The following PRDM10 variants were observed in gnomAD, a reference collection of about 807,000 sequenced individuals.
PRDM10 encodes the protein PR/SET domain 10.
Under a neutral mutation model 133.1 loss-of-function variants are expected in PRDM10, and 65 were observed. The observed-to-expected ratio is 0.49, with a 90% CI of 0.40 to 0.60. The LOEUF (loss-of-function observed/expected upper bound fraction) is 0.60. Ranked by LOEUF, PRDM10 falls within the 20% of genes least tolerant of loss-of-function variation. PRDM10 has a pLI of 0.00. For missense variants in PRDM10, 1,137 were observed against 1,507.1 expected, an observed-to-expected ratio of 0.75 and a Z score of 4.07; for synonymous variants, 582 against 580.4, an observed-to-expected ratio of 1.00 and a Z score of -0.04.
At position 129,935,197 on chromosome 11, in the gene PRDM10, TTCTTC is replaced by T. The variant is rs1398835733; in HGVS notation, c.1056_1060del (p.Lys353LeufsTer5). ...GCGGTTACATTCATAGCAGGGCCAA[TTCTTC>T]TCTTGCTCTCGAAGAACTACAGTCA... On this transcript the variant is annotated frameshift_variant, in exon 9 of 21. Transcript: ENST00000360871. LOFTEE classifies it high-confidence loss of function. The T allele has an allele frequency of 6.2e-7, 1 of 1,613,782 alleles. No homozygotes were observed. The highest frequency in any genetic ancestry group is 8.5e-7 in the Non-Finnish European group (1 of 1,179,796).
chr11:129,957,476 C>G (rs1351328390), intron 3 of PRDM10, among the ~76,000 whole-genome samples: 4 of 152,188 alleles, frequency 2.6e-5, no homozygotes, highest in Non-Finnish European at 4.4e-5. Context: ...CACCACCACG[C>G]CCAGCTACTT....
In PRDM10 at chr11:129,918,611, C is replaced by T. The variant is rs750453768; in HGVS notation, c.2142G>A (p.Thr714=). Residue 714 remains threonine, a synonymous_variant, in exon 14 of 21, where the codon ACG becomes ACA. Coordinates refer to ENST00000360871, the MANE Select transcript of PRDM10 (RefSeq NM_199437.2). The surrounding 1 kb of genome is among the most constrained non-coding windows in gnomAD (Gnocchi z 5.3). ...ACGTGAAGCTGTCGTAGTCTGTGGACGTGATGCGGGGCTTGAACGTCTTGG... is the reference window on the plus strand; with the variant it reads ...ACGTGAAGCTGTCGTAGTCTGTGGATGTGATGCGGGGCTTGAACGTCTTGG... The part of the protein sequence containing the change: ...SRSKTFKPRI[T]STDYDSFTFK... 12 of 1,614,104 alleles carry T rather than the reference C, an allele frequency of 7.4e-6. No individual in the cohort carries two copies. The African/African-American group carries it at 1.2e-4, about 16-fold the overall frequency.
At chr11:129,998,767 A>C (rs1939191485) in intron 1 of PRDM10, among the ~76,000 whole-genome samples, 1 of 152,138 alleles carries the variant, frequency 6.6e-6, no homozygotes, top group South Asian at 2.1e-4. Context: ...AGGTGGACAG[A>C]AATGGCCAGA....
intron 4 of PRDM10, among the ~76,000 whole-genome samples, chr11:129,950,619 G>A (rs1328498913): frequency 6.6e-6 from 1 of 152,162 alleles, no homozygotes; most frequent in Non-Finnish European, 1.5e-5. Flanking sequence ...GGAAGTGACT[G>A]TATTCCTGCT....
intron 1 of PRDM10, among the ~76,000 whole-genome samples, chr11:129,968,170 T>G (rs1214621034): frequency 6.6e-6 from 1 of 152,192 alleles, no homozygotes; most frequent in Non-Finnish European, 1.5e-5. Context: ...TGTTGGTACA[T>G]TATTAACCTC....
intron 13 of PRDM10, among the ~76,000 whole-genome samples, chr11:129,921,121 T>C (rs190702701): frequency 2.0e-5 from 3 of 152,134 alleles, no homozygotes; most frequent in Non-Finnish European, 4.4e-5. Flanking sequence ...TCTATTCTAG[T>C]GTGAGCTCCC....
chr11:129,988,341 T>C (rs1399162048), intron 1 of PRDM10, among the ~76,000 whole-genome samples: 3 of 152,320 alleles, frequency 2.0e-5, no homozygotes, highest in African/African-American at 4.8e-5. Context: ...CATTGAATTG[T>C]ACATTTTATT....
Position 129,947,474 on chromosome 11 carries a change from GTCT to G in PRDM10, c.295-107_295-105del. On this transcript the variant is annotated intron_variant, in intron 4 of 20. Transcript: ENST00000360871. This position sits in a 1 kb window ranked among gnomAD's most constrained non-coding sequence, Gnocchi z 4.6. ...GGGCGCAAGGGCTGGCTGAAATCTAGTCTTCCTACCAACTCCTTCCAGGCCCTG... is the reference window on the plus strand; with the variant it reads ...GGGCGCAAGGGCTGGCTGAAATCTAGTCCTACCAACTCCTTCCAGGCCCTG... 6.4e-7 allele frequency: 1 copy of G among 1,564,424 alleles called. No individual in the cohort carries two copies. Among genetic ancestry groups the G allele is most frequent in the South Asian group, 1.2e-5 (1 of 84,032 alleles).
chr11:129,982,286 G>A (rs371350080), intron 1 of PRDM10, among the ~76,000 whole-genome samples: 72 of 151,982 alleles, frequency 4.7e-4, no homozygotes, highest in African/African-American at 1.0e-3. Context: ...GTGTGTGTGC[G>A]CGCGTGTGTG....
chr11:129,940,957 C>T (rs1265912834), intron 7 of PRDM10, among the ~76,000 whole-genome samples: 1 of 152,186 alleles, frequency 6.6e-6, no homozygotes, highest in Admixed American at 6.5e-5. Flanking sequence ...AGAAAATCTG[C>T]CCTTCACAGT....
intron 1 of PRDM10, among the ~76,000 whole-genome samples, chr11:129,976,056 G>A (rs572139994): frequency 5.0e-4 from 76 of 152,268 alleles, no homozygotes; most frequent in African/African-American, 1.8e-3. Context: ...AGCAACTAGA[G>A]GGTGACATGG....
chr11:129,947,325 C>T lies in PRDM10; in HGVS notation c.340G>A (p.Val114Ile). ...GTTGCCAAAGGGTCGGACCCATCTA[C>T]ACTCTCGATGGAAGGCAGCACCTGG... ...HNQVLPSIESVDGSDPLATLQ... is the reference protein window; with the variant it reads ...HNQVLPSIESIDGSDPLATLQ... The change falls in exon 5 of 21, where the codon GTA (valine) becomes ATA (isoleucine). Residue 114 changes from valine (V) to isoleucine (I), a missense_variant. By Grantham distance (29) the Val-to-Ile change is conservative. Transcript: ENST00000360871. The surrounding 1 kb of genome is among the most constrained non-coding windows in gnomAD (Gnocchi z 4.6). The T allele has an allele frequency of 6.2e-7, 1 of 1,614,170 alleles. No homozygotes were observed. The highest frequency in any genetic ancestry group is 8.5e-7 in the Non-Finnish European group (1 of 1,180,036).
intron 1 of PRDM10, among the ~76,000 whole-genome samples, chr11:129,989,844 A>G (rs1027756716): frequency 6.6e-6 from 1 of 152,190 alleles, no homozygotes; most frequent in African/African-American, 2.4e-5. Flanking sequence ...CGTTCACTCT[A>G]CGACTCCTGA....
At chr11:129,983,298 CTT>C (rs71473897) in intron 1 of PRDM10, among the ~76,000 whole-genome samples, 63 of 135,178 alleles carry the variant, frequency 4.7e-4, no homozygotes, top group East Asian at 1.1e-3. Context: ...TTTATTTCTC[CTT>C]TTTTTTTTTT....
At chr11:129,915,201 G>A (rs1950319278) in intron 16 of PRDM10, among the ~76,000 whole-genome samples, 183 bp from the exon 17 acceptor site, 1 of 152,114 alleles carries the variant, frequency 6.6e-6, no homozygotes, top group East Asian at 1.9e-4. Flanking sequence ...GCAGGGAAGA[G>A]GGTGGGGAAG....
chr11:129,978,038 T>A (rs567438483), intron 1 of PRDM10, among the ~76,000 whole-genome samples: 4 of 150,706 alleles, frequency 2.7e-5, no homozygotes, highest in African/African-American at 9.9e-5. Context: ...TTTTTTTTTT[T>A]AAGAAAAGCT....
chr11:129,988,896 T>G (rs1172948980), intron 1 of PRDM10, among the ~76,000 whole-genome samples: 1 of 152,124 alleles, frequency 6.6e-6, no homozygotes, highest in Non-Finnish European at 1.5e-5. Context: ...CCCAAAGTGC[T>G]GGGATTACAG....
At chr11:129,948,701 C>A (rs1388074979) in intron 4 of PRDM10, among the ~76,000 whole-genome samples, 1 of 152,250 alleles carries the variant, frequency 6.6e-6, no homozygotes, top group Non-Finnish European at 1.5e-5. Flanking sequence ...AATCAAATAT[C>A]TGAAGGCCAA....
chr11:129,907,975 C>A (rs1435201672), intron 19 of PRDM10, among the ~76,000 whole-genome samples: 4 of 151,078 alleles, frequency 2.6e-5, no homozygotes, highest in Admixed American at 2.0e-4. Context: ...GTGGTATGTG[C>A]CTGTAGTCCT....
Sources: allele counts gnomAD v4.1 joint callset (sites outside exome capture counted in the v4.1 genomes callset), GRCh38; gene constraint gnomAD v4.1.1; non-coding constraint Gnocchi (gnomAD v3.1); transcripts MANE v1.5; gene names NCBI Gene and HGNC (gene_info 2026-07-23, HGNC 2026-07-21).